The following HKDC1 variants were observed in gnomAD, a reference collection of about 807,000 sequenced individuals.
The protein encoded by HKDC1 is hexokinase domain containing 1.
Under a neutral mutation model 96.6 loss-of-function variants are expected in HKDC1, and 66 were observed. That is an observed-to-expected ratio of 0.68 (90% CI 0.56 to 0.84). The LOEUF is 0.84. Among genes scored for constraint, HKDC1 ranks in the 40% least tolerant of loss-of-function variants. The probability of loss-of-function intolerance (pLI) is 0.00; values close to 1 mark genes in which losing one functional copy is unlikely to be tolerated. For synonymous variants in HKDC1, 466 were observed against 473.1 expected, an observed-to-expected ratio of 0.98 and a Z score of 0.20; for missense variants, 1,211 against 1,208.1, an observed-to-expected ratio of 1.00 and a Z score of -0.04.
Position 69,250,600 on chromosome 10 carries a change from T to C in HKDC1, c.1784T>C (p.Leu595Pro). Reference sequence around the variant, plus strand: ...TACATGGGCCTCAAGGGAGCCTCCCTACCTTTGGGCTTCACATTCTCATTT... The same window carrying C: ...TACATGGGCCTCAAGGGAGCCTCCCCACCTTTGGGCTTCACATTCTCATTT... ...LDYMGLKGAS[L>P]PLGFTFSFPC... is the part of the protein sequence containing the mutation. Residue 595 changes from leucine to proline, a missense_variant, in exon 12 of 18, where the codon CTA becomes CCA. Transcript: ENST00000354624. The C allele has an allele frequency of 6.2e-7, 1 of 1,614,084 alleles. No individual in the cohort carries two copies. The highest frequency in any genetic ancestry group is 8.5e-7 in the Non-Finnish European group (1 of 1,180,002).
intron 5 of HKDC1, among the ~76,000 whole-genome samples, chr10:69,239,729 T>C (rs1477041131): frequency 2.6e-5 from 4 of 152,040 alleles, no homozygotes; most frequent in Non-Finnish European, 5.9e-5. Context: ...ATCTTATTGT[T>C]TTATAGCCTG....
At position 69,248,732 on chromosome 10, in the gene HKDC1, G is replaced by A. The variant is rs753245061; in HGVS notation, c.1570+4G>A. 2.5e-6 allele frequency: 4 copies of A among 1,592,654 alleles called. No individual in the cohort carries two copies. Among genetic ancestry groups the A allele is most frequent in the East Asian group, 2.2e-5 (1 of 44,474 alleles). ...TGCGGGCTGCCGGACGGCACAGGTG[G>A]GCCAGCACAGCCTCCCTCTCTGAAC... On this transcript the variant is annotated splice_donor_region_variant and intron_variant, in intron 10 of 17. Transcript: ENST00000354624.
At chr10:69,224,978 A>C (rs1261766748) in intron 1 of HKDC1, among the ~76,000 whole-genome samples, 1 of 152,192 alleles carries the variant, frequency 6.6e-6, no homozygotes, top group Non-Finnish European at 1.5e-5. Context: ...TTGTCCCAAC[A>C]TATGTTTCAC....
At chr10:69,224,883 C>T (rs1277627832) in intron 1 of HKDC1, among the ~76,000 whole-genome samples, 2 of 152,164 alleles carry the variant, frequency 1.3e-5, no homozygotes, top group African/African-American at 2.4e-5. Context: ...TTCTGCAGCA[C>T]CAGTACTCTC....
chr10:69,253,460 G>A (rs10762271), intron 12 of HKDC1, among the ~76,000 whole-genome samples: 32,475 of 152,202 alleles, frequency 0.21, 4,440 homozygotes, highest in Non-Finnish European at 0.3. Context: ...CACAGTGTTC[G>A]AGAGCACAGG....
intron 2 of HKDC1, among the ~76,000 whole-genome samples, chr10:69,228,433 G>T (rs1369056581): frequency 6.6e-6 from 1 of 152,136 alleles, no homozygotes; most frequent in East Asian, 1.9e-4. Context: ...CAGGATCTGG[G>T]GATTAGGATG....
At chr10:69,249,478 G>T (rs7899214) in intron 10 of HKDC1, among the ~76,000 whole-genome samples, 7,724 of 152,132 alleles carry the variant, frequency 0.051, 250 homozygotes, top group South Asian at 0.11. Flanking sequence ...AGCAGTAAAA[G>T]ACACTGTTTA....
Position 69,265,684 on chromosome 10 carries a change from C to T in HKDC1, c.2472C>T (p.Ala824=), listed in dbSNP as rs143547587. 0.012 allele frequency: 18,839 copies of T among 1,613,810 alleles called. 149 individuals are homozygous for T. Among genetic ancestry groups the T allele is most frequent in the South Asian group, 0.014 (1,284 of 91,058 alleles). Residue 824 remains alanine (A), a synonymous_variant, in exon 17 of 18, where the codon GCC becomes GCT. Coordinates refer to ENST00000354624, the MANE Select transcript of HKDC1 (RefSeq NM_025130.4). ...DSIVVKEVCG[A]VSRRAAQLCG... Reference sequence around the variant, plus strand: ...TCGTGGTGAAGGAGGTGTGCGGAGCCGTGTCCCGGCGGGCGGCCCAGCTCT... The same window carrying T: ...TCGTGGTGAAGGAGGTGTGCGGAGCTGTGTCCCGGCGGGCGGCCCAGCTCT...
chr10:69,223,400 C>T (rs1368889220), intron 1 of HKDC1, among the ~76,000 whole-genome samples: 1 of 152,140 alleles, frequency 6.6e-6, no homozygotes, highest in Non-Finnish European at 1.5e-5. Flanking sequence ...GCTTCCCTCA[C>T]TTACTGTTAC....
rs374904539 is a variant in HKDC1, at chr10:69,233,097, T to A, written c.459T>A (p.Thr153=). ...ATAAGAAATTGCCCCTTGGCCTAAC[T>A]TTTTCTTTCCCCTGTCGACAGACTA... ...LKHKKLPLGL[T]FSFPCRQTKL... The change falls in exon 4 of 18, where the codon ACT becomes ACA. Residue 153 remains threonine, a synonymous_variant. Transcript: ENST00000354624. 6.2e-7 allele frequency: 1 copy of A among 1,613,942 alleles called. No individual in the cohort carries two copies. The highest frequency in any genetic ancestry group is 1.3e-5 in the African/African-American group (1 of 74,898).
Position 69,265,830 on chromosome 10 carries a change from C to A in HKDC1, c.2606+12C>A, listed in dbSNP as rs909249211. The A allele has an allele frequency of 2.1e-5, 30 of 1,444,160 alleles. No individual in the cohort carries two copies. Among genetic ancestry groups the A allele is most frequent in the Middle Eastern group, 1.7e-4 (1 of 5,726 alleles). 89.5% of individuals were successfully genotyped at this position (1,444,160 alleles called of 1,614,324 possible). A position where few individuals can be genotyped will look rare whatever the true frequency, so the allele number is the denominator to read the frequency against. On this transcript the variant is annotated intron_variant, in intron 17 of 17. Coordinates refer to ENST00000354624, the MANE Select transcript of HKDC1 (RefSeq NM_025130.4). ...AAGCTGCACCCTCAGTGAGTGCCCA[C>A]AAGAGGCGTGGCGGGTGGGGCTGGG...
At chr10:69,232,626 C>A in intron 2 of HKDC1, 138 bp from the exon 3 acceptor site, 2 of 810,978 alleles carry the variant, frequency 2.5e-6, no homozygotes, top group Non-Finnish European at 4.0e-6. Context: ...CCAGAGTCCT[C>A]AGCCTTGGCA....
chr10:69,232,993 T>G, intron 3 of HKDC1, 21 bp from the exon 4 acceptor site: 1 of 1,613,642 alleles, frequency 6.2e-7, no homozygotes, highest in Non-Finnish European at 8.5e-7. Flanking sequence ...GCCCATGTAC[T>G]TTGCTTTCTC....
intron 7 of HKDC1, among the ~76,000 whole-genome samples, chr10:69,244,331 G>A (rs1213007298): frequency 2.0e-5 from 3 of 152,130 alleles, no homozygotes; most frequent in South Asian, 2.1e-4. Flanking sequence ...AGACATGCTG[G>A]TGAATTTCAA....
chr10:69,243,468 C>A, intron 7 of HKDC1, 103 bp downstream of exon 7: 3 of 906,378 alleles, frequency 3.3e-6, no homozygotes, highest in Non-Finnish European at 4.8e-6. Flanking sequence ...ACTAGCTATC[C>A]ATCACAACTT....
At chr10:69,250,238 C>T in intron 10 of HKDC1, 52 bp from the exon 11 acceptor site, 1 of 1,576,706 alleles carries the variant, frequency 6.3e-7, no homozygotes, top group South Asian at 1.2e-5. Context: ...CCTCCCAATG[C>T]CCCGACACAA....
chr10:69,257,495 T>C, intron 14 of HKDC1, 69 bp downstream of exon 14: 1 of 1,209,508 alleles, frequency 8.3e-7, no homozygotes, highest in East Asian at 2.3e-5. Flanking sequence ...TTTAACATAG[T>C]GAGAGGGTGG....
rs146404017 is a variant in HKDC1, at chr10:69,247,423, G to A, written c.1095G>A (p.Glu365=). The stretch of plus-strand genomic sequence containing the variant: ...TGGACCTGGGTCTGGAACCGTCTGA[G>A]GCTGACTGCATTGCCGTCCAGCATG... ...ILVDLGLEPS[E]ADCIAVQHVC... is the part of the protein sequence containing the mutation. The change falls in exon 9 of 18, where the codon GAG becomes GAA. Residue 365 remains glutamate, a synonymous_variant. Coordinates refer to ENST00000354624, the MANE Select transcript of HKDC1 (RefSeq NM_025130.4). 3.0e-4 allele frequency: 489 copies of A among 1,614,136 alleles called. 6 individuals carry two copies. In the African/African-American group the frequency reaches 5.5e-3, roughly 18 times the overall value.
intron 6 of HKDC1, among the ~76,000 whole-genome samples, chr10:69,242,448 A>AAC (rs1168402394): frequency 1.3e-5 from 2 of 151,902 alleles, no homozygotes; most frequent in East Asian, 1.9e-4. Context: ...AAAAAAAAAA[A>AAC]AACCCGAAAA....
Sources: allele counts gnomAD v4.1 joint callset (sites outside exome capture counted in the v4.1 genomes callset), GRCh38; gene constraint gnomAD v4.1.1; transcripts MANE v1.5; gene names NCBI Gene and HGNC (gene_info 2026-07-23, HGNC 2026-07-21).